Variants in GCSAML observed in about 807,000 individuals in gnomAD.
GCSAML encodes the protein germinal center associated signaling and motility like.
Under a neutral mutation model 13.0 loss-of-function variants are expected in GCSAML, and 9 were observed. The ratio of observed to expected loss-of-function variants is 0.69; its 90% CI spans 0.42 to 1.21. GCSAML has a LOEUF of 1.21. GCSAML is among the 50% of genes most tolerant of loss of function. The probability of loss-of-function intolerance (pLI) is 0.00; values close to 1 mark genes in which losing one functional copy is unlikely to be tolerated. For missense variants in GCSAML, 143 were observed against 153.4 expected (o/e 0.93, Z 0.36); for synonymous variants, 37 against 52.9 (o/e 0.70, Z 1.31).
rs1227969114 is a variant in GCSAML at position 247,527,709 on chromosome 1, C to G, written c.-148+655C>G. 4 of 152,060 alleles carry G rather than the reference C, an allele frequency of 2.6e-5. No individual in the cohort carries two copies. Among genetic ancestry groups the G allele is most frequent in the African/African-American group, 9.7e-5 (4 of 41,396 alleles). 9.4% of individuals were successfully genotyped at this position (152,060 alleles called of 1,614,324 possible). On this transcript the variant is annotated intron_variant, in intron 2 of 5. Coordinates refer to the GCSAML transcript ENST00000366489. The surrounding 1 kb of genome is among the most constrained non-coding windows in gnomAD (Gnocchi z 4.6). ...GATCAGATAAGTGTGATTAGAATAT[C>G]CATCATCTCAAACATTTATCGTTTC...
intron 2 of GCSAML, chr1:247,532,461 GC>G: frequency 1.2e-6 from 2 of 1,613,982 alleles, no homozygotes; most frequent in Non-Finnish European, 1.7e-6. Context: ...GTGTGGAGAA[GC>G]CCAGGAGGAC....
chr1:247,564,950 G>A (rs1354007465), intron 3 of GCSAML, among the ~76,000 whole-genome samples: 3 of 152,112 alleles, frequency 2.0e-5, no homozygotes, highest in Non-Finnish European at 4.4e-5. Context: ...TCAGAACATA[G>A]GAATGAGCAA....
At chr1:247,537,035 T>C (rs1025156697) in intron 2 of GCSAML, among the ~76,000 whole-genome samples, 1 of 152,216 alleles carries the variant, frequency 6.6e-6, no homozygotes, top group African/African-American at 2.4e-5. Context: ...ATTAAGTTCT[T>C]TCACAAGACT....
At chr1:247,531,872 G>T in intron 2 of GCSAML, 1 of 1,614,212 alleles carries the variant, frequency 6.2e-7, no homozygotes, top group Non-Finnish European at 8.5e-7. Context: ...ACCAGGATGA[G>T]CCCCAGAGGC....
intron 2 of GCSAML, among the ~76,000 whole-genome samples, chr1:247,559,406 C>T (rs1172453712): frequency 5.3e-5 from 8 of 151,712 alleles, no homozygotes; most frequent in Admixed American, 1.3e-4. Flanking sequence ...AGGTGTTTGT[C>T]GGTTTTAATC....
intron 1 of GCSAML, among the ~76,000 whole-genome samples, chr1:247,521,367 G>GTCTCCC (rs74163781): frequency 0.9 from 131,356 of 145,532 alleles, 60,045 homozygotes; most frequent in South Asian, 0.99. Context: ...CCTCTCCACG[G>GTCTCCC]TCTCCCTCTC....
chr1:247,515,154 C>G (rs1666168479), intron 1 of GCSAML, among the ~76,000 whole-genome samples: 1 of 152,074 alleles, frequency 6.6e-6, no homozygotes, highest in East Asian at 1.9e-4. Flanking sequence ...TGCCATTTGA[C>G]CATCATAGAA....
intron 1 of GCSAML, 60 bp from the exon 2 acceptor site, chr1:247,556,347 A>G (rs1368476687): frequency 5.9e-6 from 7 of 1,178,108 alleles, no homozygotes; most frequent in South Asian, 5.1e-5. Context: ...TTAGAGAAGA[A>G]GGTGAAAAAA....
intron 1 of GCSAML, among the ~76,000 whole-genome samples, chr1:247,511,476 C>T (rs1455849238): frequency 1.3e-5 from 2 of 152,076 alleles, no homozygotes; most frequent in Non-Finnish European, 2.9e-5. Context: ...TTCAACTTGC[C>T]AGTCTGTGTC....
At chr1:247,564,612 A>AC (rs1281594184) in intron 3 of GCSAML, among the ~76,000 whole-genome samples, 1 of 152,196 alleles carries the variant, frequency 6.6e-6, no homozygotes, top group Non-Finnish European at 1.5e-5. Flanking sequence ...ATATATGTAT[A>AC]CATTGTGTAA....
At chr1:247,572,100 C>T (rs1309830386) in intron 4 of GCSAML, among the ~76,000 whole-genome samples, 1 of 152,120 alleles carries the variant, frequency 6.6e-6, no homozygotes, top group Non-Finnish European at 1.5e-5. Context: ...TTAGCAATTC[C>T]TGTAACCTTT....
chr1:247,552,699 C>A (rs373975867), intron 1 of GCSAML, among the ~76,000 whole-genome samples: 4 of 152,274 alleles, frequency 2.6e-5, no homozygotes, highest in African/African-American at 7.2e-5. Context: ...TGGATTCAGA[C>A]AACATTGTGA....
chr1:247,536,354 AC>A (rs1282445936), intron 2 of GCSAML: 1 of 152,216 alleles, frequency 6.6e-6, no homozygotes, highest in Non-Finnish European at 1.5e-5. Context: ...GTGGTAGCAG[AC>A]GTGTTAGATT....
intron 1 of GCSAML, among the ~76,000 whole-genome samples, chr1:247,550,529 C>T (rs373003587): frequency 5.9e-5 from 9 of 152,166 alleles, no homozygotes; most frequent in East Asian, 5.8e-4. Flanking sequence ...CCCAGCTACT[C>T]GGCAGGCTGG....
intron 1 of GCSAML, among the ~76,000 whole-genome samples, chr1:247,508,686 G>A (rs1324824973): frequency 6.6e-6 from 1 of 152,120 alleles, no homozygotes; most frequent in African/African-American, 2.4e-5. Context: ...GTTAATTTTT[G>A]TTTAAAGTGT....
intron 2 of GCSAML, chr1:247,531,231 G>A: frequency 3.1e-6 from 1 of 323,770 alleles, no homozygotes; most frequent in Non-Finnish European, 5.7e-6. Context: ...ATTATCCACG[G>A]AGCGTCCTGG....
Position 247,574,291 on chromosome 1 carries a change from C to A in GCSAML, c.317C>A (p.Ser106Ter). The change falls in exon 5 of 5, where the codon TCA becomes TAA. Residue 106 changes from serine (S) to a stop codon, truncating the protein, a stop_gained. Coordinates refer to ENST00000366488, the MANE Select transcript of GCSAML (RefSeq NM_145278.5). LOFTEE classifies it low-confidence loss of function (END_TRUNC). ...AAAGTGAGACAGTTTAGAGAAAGGT[C>A]AGAGACAGAATATGCCCTTCTTAGG... ...TRKVRQFRER[S>*]ETEYALLRTS... 6.2e-7 allele frequency: 1 copy of A among 1,614,038 alleles called. No individual in the cohort carries two copies. The highest frequency in any genetic ancestry group is 8.5e-7 in the Non-Finnish European group (1 of 1,179,972).
At chr1:247,558,783 T>C (rs190204505) in intron 2 of GCSAML, among the ~76,000 whole-genome samples, 2 of 152,218 alleles carry the variant, frequency 1.3e-5, no homozygotes, top group African/African-American at 4.8e-5. Context: ...TATGTGTAAT[T>C]GAAGGAAATA....
chr1:247,558,902 T>A (rs1668036638), intron 2 of GCSAML, among the ~76,000 whole-genome samples: 2 of 152,210 alleles, frequency 1.3e-5, no homozygotes, highest in Admixed American at 1.3e-4. Flanking sequence ...TTTTATTTGT[T>A]ACCAGTATCT....
Sources: allele counts gnomAD v4.1 joint callset (sites outside exome capture counted in the v4.1 genomes callset), GRCh38; gene constraint gnomAD v4.1.1; non-coding constraint Gnocchi (gnomAD v3.1); transcripts MANE v1.5; gene names NCBI Gene and HGNC (gene_info 2026-07-23, HGNC 2026-07-21).